Variants in WWOX observed in about 807,000 individuals in gnomAD.
WWOX encodes WW domain-containing oxidoreductase.
A neutral mutation model predicts 46.2 loss-of-function variants in WWOX; 69 were observed. The observed-to-expected ratio is 1.49, with a 90% CI of 1.23 to 1.82. The LOEUF (loss-of-function observed/expected upper bound fraction) is 1.82. Among genes scored for constraint, WWOX ranks in the 40% most tolerant of loss-of-function variants. WWOX has a pLI of 0.00. For synonymous variants in WWOX, 359 were observed against 202.6 expected, an observed-to-expected ratio of 1.77 and a Z score of -6.56; for missense variants, 919 against 542.6, an observed-to-expected ratio of 1.69 and a Z score of -6.89.
chr16:78,333,549 A>C (rs1417300752), intron 5 of WWOX, among the ~76,000 whole-genome samples: 1 of 152,202 alleles, frequency 6.6e-6, no homozygotes, highest in Non-Finnish European at 1.5e-5. Context: ...TGAAATAATC[A>C]GTATATCATA....
At chr16:79,011,077 A>G (rs1474450078) in intron 8 of WWOX, among the ~76,000 whole-genome samples, 1 of 151,914 alleles carries the variant, frequency 6.6e-6, no homozygotes, top group East Asian at 1.9e-4. Flanking sequence ...ACCTTTATAT[A>G]TGTGACATGT....
chr16:79,097,192 A>G (rs78564771), intron 8 of WWOX, among the ~76,000 whole-genome samples: 1 of 152,132 alleles, frequency 6.6e-6, no homozygotes, highest in Non-Finnish European at 1.5e-5. Context: ...AGAAGTCAGA[A>G]TTCTCTTTTA....
chr16:78,932,412 A>T (rs967944121), intron 8 of WWOX, among the ~76,000 whole-genome samples: 1 of 152,204 alleles, frequency 6.6e-6, no homozygotes, highest in Non-Finnish European at 1.5e-5. Context: ...CCTGGATAAG[A>T]ACATGCTGCG....
intron 8 of WWOX, among the ~76,000 whole-genome samples, chr16:79,174,507 G>T (rs1301856093): frequency 6.6e-6 from 1 of 152,162 alleles, no homozygotes; most frequent in Non-Finnish European, 1.5e-5. Context: ...AAATTAGCCA[G>T]GCGTGGTGGC....
At chr16:79,143,543 A>G (rs1441433425) in intron 8 of WWOX, among the ~76,000 whole-genome samples, 1 of 152,178 alleles carries the variant, frequency 6.6e-6, no homozygotes, top group African/African-American at 2.4e-5. Flanking sequence ...TTTATTCTTG[A>G]TACATACCAA....
intron 8 of WWOX, among the ~76,000 whole-genome samples, chr16:78,876,229 C>T (rs946749926): frequency 3.2e-4 from 48 of 151,362 alleles, no homozygotes; most frequent in South Asian, 4.2e-4. Context: ...TTAATTCTTC[C>T]GCCAGCTATC....
At chr16:78,368,328 A>G (rs1261720416) in intron 5 of WWOX, among the ~76,000 whole-genome samples, 1 of 152,192 alleles carries the variant, frequency 6.6e-6, no homozygotes, top group Non-Finnish European at 1.5e-5. Flanking sequence ...TAACTGGAAC[A>G]TATGGCCCTT....
intron 8 of WWOX, among the ~76,000 whole-genome samples, chr16:78,742,389 T>A (rs1467887346): frequency 2.0e-5 from 3 of 152,182 alleles, no homozygotes; most frequent in African/African-American, 7.2e-5. Context: ...GGTTAAGTGT[T>A]TCAGCGCCCT....
rs116377211 is a variant in WWOX at position 78,581,703 on chromosome 16, G to A, written c.1056+148951G>A. The stretch of plus-strand genomic sequence containing the variant: ...TAGTTTATACCAGTACATTTTTTAG[G>A]TGCCTTAACTTACCAAGGTTATTTG... On this transcript the variant is annotated intron_variant, in intron 8 of 8. Transcript: ENST00000566780. Among the ~76,000 whole-genome samples, 1,446 of 152,138 alleles carry A rather than the reference G, an allele frequency of 9.5e-3. 17 individuals are homozygous for A. The highest frequency in any genetic ancestry group is 0.033 in the African/African-American group (1,366 of 41,518).
chr16:78,770,817 C>T (rs1016681713), intron 8 of WWOX, among the ~76,000 whole-genome samples: 2 of 152,206 alleles, frequency 1.3e-5, no homozygotes, highest in Admixed American at 6.5e-5. Flanking sequence ...CCTCCCAAGC[C>T]GAGCAATGCT....
At chr16:79,027,068 C>G (rs1263680671) in intron 8 of WWOX, among the ~76,000 whole-genome samples, 1 of 151,344 alleles carries the variant, frequency 6.6e-6, no homozygotes, top group Admixed American at 6.6e-5. Context: ...TCACGTGAGC[C>G]CAGCAGTTCA....
At chr16:78,802,760 A>G (rs1373509569) in intron 8 of WWOX, among the ~76,000 whole-genome samples, 4 of 151,546 alleles carry the variant, frequency 2.6e-5, no homozygotes, top group African/African-American at 4.8e-5. Context: ...TACTAAAAAT[A>G]GAGAAGTTAG....
intron 8 of WWOX, among the ~76,000 whole-genome samples, chr16:78,884,327 A>G (rs1282342559): frequency 6.6e-6 from 1 of 151,980 alleles, no homozygotes; most frequent in African/African-American, 2.4e-5. Flanking sequence ...GACTGGTCAA[A>G]ATGTGCTCAT....
intron 8 of WWOX, among the ~76,000 whole-genome samples, chr16:79,093,133 A>G (rs2048998605): frequency 6.6e-6 from 1 of 152,232 alleles, no homozygotes; most frequent in South Asian, 2.1e-4. Flanking sequence ...GTCTACATCA[A>G]TGAAAAGAAT....
chr16:79,012,707 T>C (rs2047335898), intron 8 of WWOX, among the ~76,000 whole-genome samples: 1 of 152,202 alleles, frequency 6.6e-6, no homozygotes, highest in East Asian at 1.9e-4. Context: ...GGGCTGGAAG[T>C]TCCACAAAGC....
At chr16:78,492,028 G>C (rs1197844908) in intron 8 of WWOX, among the ~76,000 whole-genome samples, 1 of 53,434 alleles carries the variant, frequency 1.9e-5, no homozygotes, top group Admixed American at 3.1e-4. Flanking sequence ...AATGGACAAA[G>C]GGAGTGGGGG....
intron 8 of WWOX, among the ~76,000 whole-genome samples, chr16:78,953,288 G>C (rs1020845027): frequency 7.0e-6 from 1 of 143,870 alleles, no homozygotes; most frequent in African/African-American, 2.5e-5. Context: ...AATAGCTCAG[G>C]CACAATTATA....
chr16:79,133,601 G>T, intron 8 of WWOX, among the ~76,000 whole-genome samples: 1 of 152,262 alleles, frequency 6.6e-6, no homozygotes, highest in East Asian at 1.9e-4. Flanking sequence ...CAGTCTTTTT[G>T]AAGATGTAGA....
intron 8 of WWOX, among the ~76,000 whole-genome samples, chr16:78,732,211 A>G (rs1343207203): frequency 6.6e-6 from 1 of 152,070 alleles, no homozygotes; most frequent in Non-Finnish European, 1.5e-5. Context: ...TATGTAGAAT[A>G]TGGTACAGGT....
Sources: gnomAD v4.1 joint callset for allele counts (sites outside exome capture counted in the v4.1 genomes callset) on GRCh38, gnomAD v4.1.1 for gene constraint, MANE v1.5 for transcripts, NCBI Gene and HGNC (gene_info 2026-07-23, HGNC 2026-07-21) for gene names.